Variants in TMEM196 observed in about 807,000 individuals in gnomAD.
TMEM196 encodes transmembrane protein 196.
Under a neutral mutation model 20.0 loss-of-function variants are expected in TMEM196, and 17 were observed. The observed-to-expected ratio is 0.85, with a 90% CI of 0.58 to 1.27. TMEM196 has a LOEUF of 1.27. TMEM196 is among the 50% of genes most tolerant of loss of function. The probability of loss-of-function intolerance (pLI) is 0.00; values close to 1 mark genes in which losing one functional copy is unlikely to be tolerated. For synonymous variants in TMEM196, 113 were observed against 88.9 expected (o/e 1.27, Z -1.52); for missense variants, 267 against 223.0 (o/e 1.20, Z -1.26).
intron 1 of TMEM196, among the ~76,000 whole-genome samples, chr7:19,735,557 G>A (rs980288703): frequency 6.6e-6 from 1 of 152,076 alleles, no homozygotes; most frequent in Admixed American, 6.6e-5. Flanking sequence ...TTTATTTTGG[G>A]AAAGAGCAAC....
chr7:19,772,471 A>C, intron 1 of TMEM196, 79 bp downstream of exon 1: 1 of 1,371,952 alleles, frequency 7.3e-7, no homozygotes, highest in Non-Finnish European at 9.5e-7. Flanking sequence ...GGAGTGACTA[A>C]TGCGCGCACC....
At chr7:19,752,837 A>T (rs556280004) in intron 1 of TMEM196, among the ~76,000 whole-genome samples, 1 of 151,632 alleles carries the variant, frequency 6.6e-6, no homozygotes, top group East Asian at 1.9e-4. Flanking sequence ...CTGGTCTCGA[A>T]CTCCTGACCT....
chr7:19,728,942 C>T (rs1314438525), intron 2 of TMEM196, among the ~76,000 whole-genome samples: 1 of 152,216 alleles, frequency 6.6e-6, no homozygotes, highest in Non-Finnish European at 1.5e-5. Context: ...ACACAGCTGT[C>T]TTGCTGCTTC....
At chr7:19,759,313 C>A (rs1408986711) in intron 1 of TMEM196, among the ~76,000 whole-genome samples, 2 of 152,208 alleles carry the variant, frequency 1.3e-5, no homozygotes. Context: ...TTTTCTTACA[C>A]CACTCTTTTG....
chr7:19,762,291 C>T (rs1562628219), intron 1 of TMEM196, among the ~76,000 whole-genome samples: 1 of 151,786 alleles, frequency 6.6e-6, no homozygotes, highest in Non-Finnish European at 1.5e-5. Context: ...TTTGTGTTAT[C>T]TTAGTCAAAT....
At chr7:19,729,583 A>G (rs1784125005) in intron 1 of TMEM196, 145 bp from the exon 2 acceptor site, 1 of 703,468 alleles carries the variant, frequency 1.4e-6, no homozygotes, top group African/African-American at 1.8e-5. Context: ...ATAAGATCTC[A>G]TTCTAGAATA....
chr7:19,745,700 C>T (rs1419346645), intron 1 of TMEM196, among the ~76,000 whole-genome samples: 1 of 147,994 alleles, frequency 6.8e-6, no homozygotes, highest in African/African-American at 2.5e-5. Context: ...CATAATTCAT[C>T]TAATATGCCG....
intron 1 of TMEM196, among the ~76,000 whole-genome samples, chr7:19,730,863 G>A: frequency 6.6e-6 from 1 of 152,122 alleles, no homozygotes; most frequent in Middle Eastern, 3.2e-3. Flanking sequence ...TAAGAATTTG[G>A]TATATAATTT....
chr7:19,749,101 T>TA (rs1244423010), intron 1 of TMEM196, among the ~76,000 whole-genome samples: 1 of 152,162 alleles, frequency 6.6e-6, no homozygotes, highest in Non-Finnish European at 1.5e-5. Flanking sequence ...AGTAAACTTG[T>TA]AAAAAATGAT....
intron 2 of TMEM196, among the ~76,000 whole-genome samples, chr7:19,726,813 G>A (rs6946520): frequency 0.5 from 75,874 of 151,912 alleles, 21,908 homozygotes; most frequent in East Asian, 0.92. Flanking sequence ...ATGATACTTT[G>A]TACTATGATA....
At chr7:19,746,987 G>T (rs1344079088) in intron 1 of TMEM196, among the ~76,000 whole-genome samples, 2 of 152,196 alleles carry the variant, frequency 1.3e-5, no homozygotes, top group Admixed American at 1.3e-4. Flanking sequence ...CGGGCGTGGT[G>T]GCTCACGCCT....
chr7:19,745,924 T>C lies in TMEM196; in HGVS notation c.148-16486A>G, dbSNP rs1356556012. On this transcript the variant is annotated intron_variant, in intron 1 of 4. Coordinates refer to ENST00000405844, the MANE Select transcript of TMEM196 (RefSeq NM_001363562.2). ...GATATCCAGATTTTAAAAAATCAAA[T>C]AACTCAGAGGACCTATATTTTATTT... Among the ~76,000 whole-genome samples the C allele has an allele frequency of 4.6e-5, 7 of 152,030 alleles. No individual in the cohort carries two copies. In the South Asian group the frequency reaches 8.3e-4, roughly 18 times the overall value.
At position 19,730,100 on chromosome 7, in the gene TMEM196, C is replaced by CA. The variant is rs201934475; in HGVS notation, c.148-663dup. ...TGAAACCCCGTCTCTACTAAAAATA[C>CA]AAAAAATTAGCCGGGCGTGGTGGCA... is the stretch of plus-strand genomic sequence containing the variant. On this transcript the variant is annotated intron_variant, in intron 1 of 4. Transcript: ENST00000405844. 8.5e-3 allele frequency among the ~76,000 whole-genome samples: 1,292 copies of CA among 151,894 alleles called. 27 individuals carry two copies. The highest frequency in any genetic ancestry group is 0.048 in the East Asian group (245 of 5,146).
intron 1 of TMEM196, among the ~76,000 whole-genome samples, chr7:19,731,549 C>T (rs984171000): frequency 6.6e-6 from 1 of 152,224 alleles, no homozygotes; most frequent in Non-Finnish European, 1.5e-5. Flanking sequence ...CATTTTCATC[C>T]TGAAAGTCCC....
At chr7:19,749,827 A>G (rs1005794257) in intron 1 of TMEM196, among the ~76,000 whole-genome samples, 3 of 152,202 alleles carry the variant, frequency 2.0e-5, no homozygotes, top group Admixed American at 6.5e-5. Flanking sequence ...AGCCCGCTGC[A>G]GTGGAAATTA....
chr7:19,753,369 T>G (rs1427416605), intron 1 of TMEM196, among the ~76,000 whole-genome samples: 1 of 152,184 alleles, frequency 6.6e-6, no homozygotes, highest in Non-Finnish European at 1.5e-5. Flanking sequence ...AAACTCATTT[T>G]CTTACCCCTT....
rs562416066 is a variant in TMEM196, at chr7:19,770,970, G to A, written c.147+1580C>T. On this transcript the variant is annotated intron_variant, in intron 1 of 4. Coordinates refer to ENST00000405844, the MANE Select transcript of TMEM196 (RefSeq NM_001363562.2). ...TTTCGTTGGGGGCGGGGATTGAGCT[G>A]TAGAGTATTTAAGGCTTCTCCCCAT... is the stretch of plus-strand genomic sequence containing the variant. 7.2e-5 allele frequency among the ~76,000 whole-genome samples: 11 copies of A among 152,158 alleles called. No homozygotes were observed. The South Asian group carries it at 2.1e-3, about 29-fold the overall frequency.
chr7:19,754,577 G>T (rs1785123282), intron 1 of TMEM196, among the ~76,000 whole-genome samples: 1 of 152,152 alleles, frequency 6.6e-6, no homozygotes, highest in Non-Finnish European at 1.5e-5. Flanking sequence ...GTTGTTGCCA[G>T]AGTGCAGGTT....
chr7:19,772,877 C>G lies in TMEM196; in HGVS notation c.-181G>C. The G allele has an allele frequency of 1.9e-6, 1 of 517,664 alleles. No individual in the cohort carries two copies. The highest frequency in any genetic ancestry group is 3.1e-6 in the Non-Finnish European group (1 of 326,632). 32.1% of individuals were successfully genotyped at this position (517,664 alleles called of 1,614,324 possible). A position where few individuals can be genotyped will look rare whatever the true frequency, so the allele number is the denominator to read the frequency against. On this transcript the variant is annotated 5_prime_UTR_variant, in exon 1 of 5. Transcript: ENST00000405844. ...GAAACGAAGACCTTCCCTGGCTGGG[C>G]CAGAGGCAAAGGAGCTGCTCCACCC...
Sources: allele counts gnomAD v4.1 joint callset (sites outside exome capture counted in the v4.1 genomes callset), GRCh38; gene constraint gnomAD v4.1.1; transcripts MANE v1.5; gene names NCBI Gene and HGNC (gene_info 2026-07-23, HGNC 2026-07-21).